The following GREB1 variants were observed in gnomAD, a reference collection of about 807,000 sequenced individuals.
The protein encoded by GREB1 is growth regulating estrogen receptor binding 1, also known as protein GREB1.
A neutral mutation model predicts 200.7 loss-of-function variants in GREB1; 106 were observed. The observed-to-expected ratio is 0.53, with a 90% CI of 0.45 to 0.62. The LOEUF (loss-of-function observed/expected upper bound fraction) is 0.62. Ranked by LOEUF, GREB1 falls within the 20% of genes least tolerant of loss-of-function variation. GREB1 has a pLI of 0.00. For synonymous variants in GREB1, 1,132 were observed against 1,092.4 expected (o/e 1.04, Z -0.72); for missense variants, 2,243 against 2,556.8 (o/e 0.88, Z 2.65).
chr2:11,581,369 AAT>A (rs1195982354), intron 7 of GREB1: 5 of 231,100 alleles, frequency 2.2e-5, no homozygotes, highest in African/African-American at 1.1e-4. Flanking sequence ...TTCTCATCCA[AAT>A]CAGCCTCATT....
At chr2:11,564,258 G>A (rs1362549115) in intron 3 of GREB1, among the ~76,000 whole-genome samples, 1 of 152,202 alleles carries the variant, frequency 6.6e-6, no homozygotes, top group African/African-American at 2.4e-5. Context: ...CATGATGACT[G>A]GGAGGGGAGG....
Position 11,635,423 on chromosome 2 carries a change from G to A in GREB1, c.5346+18G>A, listed in dbSNP as rs1685231747. On this transcript the variant is annotated intron_variant, in intron 30 of 32. Coordinates refer to ENST00000381486, the MANE Select transcript of GREB1 (RefSeq NM_014668.4). Reference sequence around the variant, plus strand: ...CATCCAAGGTGAGCTCCTCGCTGCTGGGCAGGCCTCTATGTCCACCGCCTG... The same window carrying A: ...CATCCAAGGTGAGCTCCTCGCTGCTAGGCAGGCCTCTATGTCCACCGCCTG... The A allele has an allele frequency of 6.3e-7, 1 of 1,591,298 alleles. No individual in the cohort carries two copies. The highest frequency in any genetic ancestry group is 8.6e-7 in the Non-Finnish European group (1 of 1,168,498).
At chr2:11,509,428 C>T (rs567048093) in intron 1 of GREB1, among the ~76,000 whole-genome samples, 2 of 151,650 alleles carry the variant, frequency 1.3e-5, no homozygotes, top group South Asian at 2.1e-4. Context: ...CCAGGTATAT[C>T]CTTTCATCCA....
chr2:11,484,123 A>G (rs1672588451), intron 1 of GREB1, among the ~76,000 whole-genome samples: 1 of 152,132 alleles, frequency 6.6e-6, no homozygotes, highest in Non-Finnish European at 1.5e-5. Context: ...TGGGAGTTTT[A>G]AAGGCCAATT....
intron 17 of GREB1, among the ~76,000 whole-genome samples, chr2:11,605,629 T>A (rs1682213985): frequency 6.6e-6 from 1 of 152,222 alleles, no homozygotes; most frequent in African/African-American, 2.4e-5. Flanking sequence ...TCCTTCCTCC[T>A]GTCCTTTTCC....
At chr2:11,512,315 G>A (rs936632299) in intron 1 of GREB1, among the ~76,000 whole-genome samples, 16 of 152,208 alleles carry the variant, frequency 1.1e-4, no homozygotes, top group African/African-American at 3.9e-4. Context: ...CCTGAAGAGA[G>A]AAATTATAAT....
intron 1 of GREB1, among the ~76,000 whole-genome samples, chr2:11,506,468 A>G (rs561666184): frequency 6.6e-6 from 1 of 152,218 alleles, no homozygotes; most frequent in East Asian, 1.9e-4. Context: ...GCATACCCAG[A>G]CCAGTGGGCA....
At chr2:11,506,954 T>G (rs894208572) in intron 1 of GREB1, among the ~76,000 whole-genome samples, 3 of 152,198 alleles carry the variant, frequency 2.0e-5, no homozygotes, top group Non-Finnish European at 2.9e-5. Flanking sequence ...CCCTTTATAT[T>G]TTGTGTGAAG....
At chr2:11,487,726 T>A (rs1672687264) in intron 1 of GREB1, among the ~76,000 whole-genome samples, 2 of 152,348 alleles carry the variant, frequency 1.3e-5, no homozygotes, top group Middle Eastern at 3.4e-3. Context: ...CAAGATTTTG[T>A]CAATTTTGTT....
At chr2:11,521,614 A>C (rs1312638891) in intron 1 of GREB1, among the ~76,000 whole-genome samples, 1 of 152,162 alleles carries the variant, frequency 6.6e-6, no homozygotes, top group Admixed American at 6.5e-5. Context: ...TGTGCTCCTT[A>C]ACCCCAGTGA....
chr2:11,625,522 G>A (rs1684373550), intron 24 of GREB1, among the ~76,000 whole-genome samples: 1 of 152,202 alleles, frequency 6.6e-6, no homozygotes, highest in African/African-American at 2.4e-5. Context: ...AGTGCTAAGT[G>A]ACAATGACGA....
At chr2:11,537,632 A>G (rs925197549) in intron 1 of GREB1, among the ~76,000 whole-genome samples, 2 of 147,970 alleles carry the variant, frequency 1.4e-5, no homozygotes, top group Non-Finnish European at 3.0e-5. Flanking sequence ...CTATTTTAAC[A>G]TGTTATAAGT....
intron 15 of GREB1, among the ~76,000 whole-genome samples, chr2:11,599,537 T>TTTTTTTTA (rs1681585737): frequency 1.5e-5 from 2 of 131,330 alleles, no homozygotes; most frequent in African/African-American, 2.6e-5. Flanking sequence ...TTTTTTTTTT[T>TTTTTTTTA]GAGACAGAGT....
intron 20 of GREB1, among the ~76,000 whole-genome samples, chr2:11,615,575 T>C (rs1683332819): frequency 6.6e-6 from 1 of 152,188 alleles, no homozygotes; most frequent in South Asian, 2.1e-4. Flanking sequence ...TCTTAAAGAA[T>C]AGGAAGAAAA....
At position 11,580,937 on chromosome 2, in the gene GREB1, T is replaced by A; in HGVS notation, c.901+105T>A. The A allele has an allele frequency of 7.2e-7, 1 of 1,398,200 alleles. No individual in the cohort carries two copies. The highest frequency in any genetic ancestry group is 1.0e-6 in the Non-Finnish European group (1 of 997,100). The allele number at this position is 1,398,200 out of a possible 1,614,324, so 86.6% of individuals were successfully genotyped here. On this transcript the variant is annotated intron_variant, in intron 7 of 32. Coordinates refer to ENST00000381486, the MANE Select transcript of GREB1 (RefSeq NM_014668.4). The surrounding 1 kb of genome is among the most constrained non-coding windows in gnomAD (Gnocchi z 4.5). The stretch of plus-strand genomic sequence containing the variant: ...GCTGGGGCCGCTGAGCCTCCTGGAG[T>A]CTGATGTGGCTTCCATGAGAGTCAG...
In GREB1 at chr2:11,579,718, GAC is replaced by G. The variant is rs534667830; in HGVS notation, c.773-985_773-984del. On this transcript the variant is annotated intron_variant, in intron 6 of 32. Transcript: ENST00000381486. Reference sequence around the variant, plus strand: ...ACAGGAAACATTCAGTGCTACTCCTGACCCGAGCTCTTTCCAGACCATTCTGG... The same window carrying G: ...ACAGGAAACATTCAGTGCTACTCCTGCCGAGCTCTTTCCAGACCATTCTGG... Among the ~76,000 whole-genome samples the G allele has an allele frequency of 2.3e-3, 357 of 152,324 alleles. 2 individuals carry two copies. Among genetic ancestry groups the G allele is most frequent in the African/African-American group, 7.3e-3 (302 of 41,566 alleles).
chr2:11,597,914 T>C lies in GREB1; in HGVS notation c.2088T>C (p.Phe696=), dbSNP rs201072270. 485 of 1,614,188 alleles carry C rather than the reference T, an allele frequency of 3.0e-4. No individual in the cohort carries two copies. The highest frequency in any genetic ancestry group is 6.2e-4 in the Admixed American group (37 of 60,024). The change falls in exon 14 of 33, where the codon TTT becomes TTC. Residue 696 remains phenylalanine (F), a synonymous_variant. Coordinates refer to ENST00000381486, the MANE Select transcript of GREB1 (RefSeq NM_014668.4). The surrounding 1 kb of genome is among the most constrained non-coding windows in gnomAD (Gnocchi z 4.1). ...LDLGSFEKVD[F]LICIPPSEVT... is the part of the protein sequence containing the mutation. ...TGGGATCCTTTGAGAAGGTGGACTT[T>C]CTCATTTGCATTCCCCCCTCAGAAG...
chr2:11,624,547 G>A (rs1684280176), intron 23 of GREB1, among the ~76,000 whole-genome samples: 1 of 151,508 alleles, frequency 6.6e-6, no homozygotes, highest in Non-Finnish European at 1.5e-5. Context: ...GTTTTACCGT[G>A]TTGGCCAGAC....
chr2:11,596,828 A>G (rs1362391288), intron 13 of GREB1, among the ~76,000 whole-genome samples: 2 of 109,928 alleles, frequency 1.8e-5, no homozygotes, highest in Admixed American at 1.1e-4. Flanking sequence ...GCAGGTGTGT[A>G]CAGTGAAAGG....
Sources: allele counts gnomAD v4.1 joint callset (sites outside exome capture counted in the v4.1 genomes callset), GRCh38; gene constraint gnomAD v4.1.1; non-coding constraint Gnocchi (gnomAD v3.1); transcripts MANE v1.5; gene names NCBI Gene and HGNC (gene_info 2026-07-23, HGNC 2026-07-21).